Variants in ORC5 observed in about 807,000 individuals in gnomAD.
ORC5 encodes the protein origin recognition complex subunit 5.
Under a neutral mutation model 58.8 loss-of-function variants are expected in ORC5, and 39 were observed. That is an observed-to-expected ratio of 0.66 (90% CI 0.51 to 0.87). The LOEUF (loss-of-function observed/expected upper bound fraction) is 0.87. ORC5 is among the 40% of genes least tolerant of loss of function. The pLI, the probability that ORC5 is intolerant of heterozygous loss-of-function variation, is 0.00. For synonymous variants in ORC5, 218 were observed against 177.6 expected, an observed-to-expected ratio of 1.23 and a Z score of -1.81; for missense variants, 493 against 506.3, an observed-to-expected ratio of 0.97 and a Z score of 0.25.
In ORC5 at chr7:104,138,471, T is replaced by C. The variant is rs575715304; in HGVS notation, c.1150-1578A>G. 7.2e-5 allele frequency among the ~76,000 whole-genome samples: 11 copies of C among 152,212 alleles called. No homozygotes were observed. Among genetic ancestry groups the C allele is most frequent in the African/African-American group, 2.6e-4 (11 of 41,540 alleles). ...AGATAAGAAATACATCCTTCAGACC[T>C]GGGCTTAGTCTTGGTTTAAAACTTT... On this transcript the variant is annotated intron_variant, in intron 12 of 13. Coordinates refer to ENST00000297431, the MANE Select transcript of ORC5 (RefSeq NM_002553.4). The surrounding 1 kb of genome is among the most constrained non-coding windows in gnomAD (Gnocchi z 4.7).
chr7:104,178,797 T>C (rs1265505286), intron 8 of ORC5, among the ~76,000 whole-genome samples: 1 of 152,192 alleles, frequency 6.6e-6, no homozygotes, highest in Non-Finnish European at 1.5e-5. Flanking sequence ...CCTAGCACCA[T>C]TTATTAATAA....
At chr7:104,203,800 G>A (rs1490971290) in intron 2 of ORC5, among the ~76,000 whole-genome samples, 1 of 152,068 alleles carries the variant, frequency 6.6e-6, no homozygotes, top group Non-Finnish European at 1.5e-5. Context: ...CAAATAAGAG[G>A]CTTACAGAAA....
intron 12 of ORC5, among the ~76,000 whole-genome samples, chr7:104,143,594 AT>A (rs980873189): frequency 5.9e-5 from 9 of 152,228 alleles, no homozygotes; most frequent in Middle Eastern, 3.4e-3. Flanking sequence ...TGATTGATCA[AT>A]TTTTTTAGGG....
intron 5 of ORC5, among the ~76,000 whole-genome samples, chr7:104,191,994 G>T (rs138824380): frequency 2.6e-4 from 40 of 152,240 alleles, no homozygotes; most frequent in Admixed American, 5.2e-4. Flanking sequence ...TCAAACAAAT[G>T]GCAGTAACGG....
intron 12 of ORC5, among the ~76,000 whole-genome samples, chr7:104,155,932 C>A (rs1798918659): frequency 6.6e-6 from 1 of 151,406 alleles, no homozygotes; most frequent in African/African-American, 2.4e-5. Context: ...TAATATATTT[C>A]TGGAAAAAAA....
rs1390054297 is a variant in ORC5, at chr7:104,167,535, T to A, written c.878-651A>T. On this transcript the variant is annotated intron_variant, in intron 9 of 13. Transcript: ENST00000297431. ...TTGTTGAAGGAGCTATGTCTAATGT[T>A]TTTTTGTATCCCTACACTGCCTTGC... Among the ~76,000 whole-genome samples, 12 of 152,176 alleles carry A rather than the reference T, an allele frequency of 7.9e-5. No individual in the cohort carries two copies. In the East Asian group the frequency reaches 2.1e-3, roughly 27 times the overall value.
rs370654496 is a variant in ORC5, at chr7:104,150,675, A to G, written c.1149+10397T>C. Among the ~76,000 whole-genome samples the G allele has an allele frequency of 1.2e-4, 18 of 152,284 alleles. No individual in the cohort carries two copies. The East Asian group carries it at 3.1e-3, about 26-fold the overall frequency. ...ATCTCTGGAACTTTTTAGCATGCAA[A>G]CTGCCTGCAAATCTTTAGCAACCAT... On this transcript the variant is annotated intron_variant, in intron 12 of 13. Transcript: ENST00000297431.
chr7:104,127,846 A>C (rs1012446807), intron 13 of ORC5, among the ~76,000 whole-genome samples: 4 of 152,236 alleles, frequency 2.6e-5, no homozygotes, highest in African/African-American at 9.6e-5. Flanking sequence ...ACATTTAAAA[A>C]TAGCTAAAAA....
chr7:104,184,964 C>A (rs1303080421), intron 6 of ORC5, among the ~76,000 whole-genome samples: 1 of 152,144 alleles, frequency 6.6e-6, no homozygotes, highest in Non-Finnish European at 1.5e-5. Context: ...ACCTGTTATG[C>A]CATGCTCCAA....
At chr7:104,161,577 T>C (rs1251871115) in intron 11 of ORC5, among the ~76,000 whole-genome samples, 2 of 152,142 alleles carry the variant, frequency 1.3e-5, no homozygotes, top group Non-Finnish European at 2.9e-5. Context: ...CTCACTATGT[T>C]GCCCAGACTG....
At chr7:104,194,644 G>A (rs572086142) in intron 5 of ORC5, among the ~76,000 whole-genome samples, 2 of 152,114 alleles carry the variant, frequency 1.3e-5, no homozygotes, top group South Asian at 2.1e-4. Flanking sequence ...AGATATAAGC[G>A]CAACATGGTA....
chr7:104,183,905 G>C (rs768742804), intron 8 of ORC5, 38 bp downstream of exon 8: 2 of 1,288,192 alleles, frequency 1.6e-6, no homozygotes, highest in Non-Finnish European at 2.2e-6. Flanking sequence ...CCCAAATAAA[G>C]ATATAAAAAC....
intron 12 of ORC5, among the ~76,000 whole-genome samples, chr7:104,151,511 A>G (rs1207315796): frequency 3.9e-5 from 6 of 152,230 alleles, no homozygotes; most frequent in Non-Finnish European, 7.3e-5. Flanking sequence ...ACTAGAAACT[A>G]TATTATCTTT....
chr7:104,166,851 T>A lies in ORC5; in HGVS notation c.911A>T (p.Tyr304Phe), dbSNP rs199686309. 6.2e-7 allele frequency: 1 copy of A among 1,611,242 alleles called. No individual in the cohort carries two copies. Among genetic ancestry groups the A allele is most frequent in the African/African-American group, 1.3e-5 (1 of 74,970 alleles). The change falls in exon 10 of 14, where the codon TAT becomes TTT. Residue 304 changes from tyrosine to phenylalanine, a missense_variant. By Grantham distance (22) the Tyr-to-Phe change is conservative. This residue lies in a region of ORC5 where 412 missense variants were observed against 403.7 expected (regional missense o/e 1.02). Coordinates refer to ENST00000297431, the MANE Select transcript of ORC5 (RefSeq NM_002553.4). ...LSAHTHVELPYYSKFILIAAY... is the reference protein window; with the variant it reads ...LSAHTHVELPFYSKFILIAAY... ...AGCAATTAGAATGAACTTAGAGTAA[T>A]ATGGAAGTTCCACATGAGTATGCGC...
At chr7:104,143,687 A>G (rs1223925220) in intron 12 of ORC5, among the ~76,000 whole-genome samples, 1 of 152,220 alleles carries the variant, frequency 6.6e-6, no homozygotes, top group Non-Finnish European at 1.5e-5. Context: ...GATTTTTCAC[A>G]TTAAAAAAAC....
intron 11 of ORC5, 77 bp from the exon 12 acceptor site, chr7:104,161,259 T>A: frequency 1.3e-6 from 1 of 763,928 alleles, no homozygotes; most frequent in Non-Finnish European, 2.3e-6. Context: ...AAACTGCCAG[T>A]AACAATGTAT....
rs760353813 is a variant in ORC5, at chr7:104,136,860, G to C, written c.1183C>G (p.Leu395Val). ...TSLVTLQLLT[L>V]VGHDDQLDGP... Reference sequence around the variant, plus strand: ...TCAAGCTGATCGTCATGGCCAACCAGGGTTAACAGCTGAAGGGTCACTAGA... The same window carrying C: ...TCAAGCTGATCGTCATGGCCAACCACGGTTAACAGCTGAAGGGTCACTAGA... Residue 395 changes from leucine (L) to valine (V), a missense_variant, in exon 13 of 14, where the codon CTG becomes GTG. Leu to Val is a conservative substitution (Grantham distance 32). Coordinates refer to ENST00000297431, the MANE Select transcript of ORC5 (RefSeq NM_002553.4). This position sits in a 1 kb window ranked among gnomAD's most constrained non-coding sequence, Gnocchi z 4.2. 6.2e-7 allele frequency: 1 copy of C among 1,613,862 alleles called. No homozygotes were observed. The highest frequency in any genetic ancestry group is 2.2e-5 in the East Asian group (1 of 44,854).
rs536421841 is a variant in ORC5 at position 104,171,565 on chromosome 7, C to A, written c.825-3040G>T. On this transcript the variant is annotated intron_variant, in intron 8 of 13. Transcript: ENST00000297431. ...TTAATTTCTATCCTTTCTTTCCATT[C>A]TTTTCCTTCATTACCAACTCTCAAA... Among the ~76,000 whole-genome samples the A allele has an allele frequency of 8.9e-4, 135 of 152,206 alleles. 1 individual carries two copies. The South Asian group carries it at 0.018, about 20-fold the overall frequency.
intron 9 of ORC5, among the ~76,000 whole-genome samples, chr7:104,167,299 G>T (rs184624136): frequency 6.6e-6 from 1 of 152,082 alleles, no homozygotes; most frequent in Non-Finnish European, 1.5e-5. Flanking sequence ...TGAAATGCTT[G>T]GGACCAGAAG....
Sources: gnomAD v4.1 joint callset for allele counts (sites outside exome capture counted in the v4.1 genomes callset) on GRCh38, gnomAD v4.1.1 for gene constraint, gnomAD v4.1.1 regional missense constraint, Gnocchi (gnomAD v3.1) non-coding constraint, MANE v1.5 for transcripts, NCBI Gene and HGNC (gene_info 2026-07-23, HGNC 2026-07-21) for gene names.